Variants in DEPDC5 observed in about 807,000 individuals in gnomAD.
DEPDC5 encodes DEP domain containing 5, GATOR1 subcomplex subunit.
In DEPDC5, 73 loss-of-function variants were observed where a neutral mutation model predicts 217.3. The ratio of observed to expected loss-of-function variants is 0.34; its 90% CI spans 0.28 to 0.41. DEPDC5 has a LOEUF of 0.41. DEPDC5 is among the 10% of genes least tolerant of loss of function. The pLI is 1.00. For synonymous variants in DEPDC5, 733 were observed against 756.7 expected (o/e 0.97, Z 0.51); for missense variants, 1,675 against 2,070.1 (o/e 0.81, Z 3.70).
chr22:31,797,671 A>G lies in DEPDC5; in HGVS notation c.839A>G (p.Gln280Arg). The G allele has an allele frequency of 6.2e-7, 1 of 1,614,116 alleles. No homozygotes were observed. The highest frequency in any genetic ancestry group is 8.5e-7 in the Non-Finnish European group (1 of 1,179,996). ...GTAACCATTAAAAAACTCTTCATCCAGTATCCAGTGTTGGTGCGACTGGAA... is the reference window on the plus strand; with the variant it reads ...GTAACCATTAAAAAACTCTTCATCCGGTATCCAGTGTTGGTGCGACTGGAA... ...LLVTIKKLFI[Q>R]YPVLVRLEQA... is the part of the protein sequence containing the mutation. Residue 280 changes from glutamine to arginine, a missense_variant, in exon 13 of 43, where the codon CAG becomes CGG. Coordinates refer to ENST00000651528, the MANE Select transcript of DEPDC5 (RefSeq NM_001242896.3).
At chr22:31,857,249 A>G (rs2092336976) in intron 31 of DEPDC5, among the ~76,000 whole-genome samples, 196 bp from the exon 32 acceptor site, 1 of 152,160 alleles carries the variant, frequency 6.6e-6, no homozygotes, top group African/African-American at 2.4e-5. Context: ...CTATTTTCTG[A>G]TTTACTGTGG....
chr22:31,809,775 T>C (rs1187703495), intron 19 of DEPDC5, 128 bp downstream of exon 19: 3 of 866,078 alleles, frequency 3.5e-6, no homozygotes, highest in Non-Finnish European at 1.8e-6. Context: ...AGGTCAGGAG[T>C]TCAAGACCAG....
intron 14 of DEPDC5, among the ~76,000 whole-genome samples, chr22:31,800,985 TTC>T (rs1491307687): frequency 1.1e-4 from 16 of 146,636 alleles, no homozygotes; most frequent in Non-Finnish European, 2.4e-4. Context: ...CAAAAAAAAA[TTC>T]TTTTTTTTTT....
chr22:31,867,079 G>A (rs2092709589), intron 33 of DEPDC5, among the ~76,000 whole-genome samples: 1 of 152,134 alleles, frequency 6.6e-6, no homozygotes, highest in Non-Finnish European at 1.5e-5. Context: ...TTTCGGACAA[G>A]GTTCATAAGA....
At chr22:31,803,191 T>A (rs1000832617) in intron 15 of DEPDC5, among the ~76,000 whole-genome samples, 1 of 152,052 alleles carries the variant, frequency 6.6e-6, no homozygotes, top group Non-Finnish European at 1.5e-5. Flanking sequence ...AAGGGACCCA[T>A]GTGCTGTCAG....
intron 16 of DEPDC5, 116 bp from the exon 17 acceptor site, chr22:31,804,726 C>G: frequency 1.0e-6 from 1 of 982,192 alleles, no homozygotes; most frequent in Non-Finnish European, 1.5e-6. Flanking sequence ...AGGCATGACC[C>G]ACAGCGCCCA....
At chr22:31,785,985 A>T (rs1342291083) in intron 10 of DEPDC5, among the ~76,000 whole-genome samples, 2 of 152,112 alleles carry the variant, frequency 1.3e-5, no homozygotes. Flanking sequence ...AGCTAAAGTC[A>T]TCTGGGTGCG....
At chr22:31,828,452 C>CAA (rs35489633) in intron 24 of DEPDC5, among the ~76,000 whole-genome samples, 1,785 of 72,194 alleles carry the variant, frequency 0.025, 24 homozygotes, top group African/African-American at 0.03. Flanking sequence ...AACTCCGTCT[C>CAA]AAAAAAAAAA....
rs2149397688 is a variant in DEPDC5 at position 31,897,604 on chromosome 22, A to T, written c.4326A>T (p.Pro1442=). 5 of 1,613,826 alleles carry T rather than the reference A, an allele frequency of 3.1e-6. No individual in the cohort carries two copies. Among genetic ancestry groups the T allele is most frequent in the Non-Finnish European group, 4.2e-6 (5 of 1,179,958 alleles). The change falls in exon 40 of 43, where the codon CCA becomes CCT. Residue 1442 remains proline, a synonymous_variant. Coordinates refer to ENST00000651528, the MANE Select transcript of DEPDC5 (RefSeq NM_001242896.3). Reference sequence around the variant, plus strand: ...CCCTTCGTGCCCAGCTCTTCATCCCACTCAACATCAGCTGCTTGCTCAAGG... The same window carrying T: ...CCCTTCGTGCCCAGCTCTTCATCCCTCTCAACATCAGCTGCTTGCTCAAGG... The part of the protein sequence containing the change: ...GDPLRAQLFI[P]LNISCLLKEG...
At chr22:31,804,318 C>A in intron 16 of DEPDC5, 95 bp downstream of exon 16, 1 of 1,217,558 alleles carries the variant, frequency 8.2e-7, no homozygotes, top group Non-Finnish European at 1.2e-6. Flanking sequence ...TATAGTCCCA[C>A]TTACTCGAGA....
chr22:31,761,062 AG>A (rs563087500), intron 4 of DEPDC5, among the ~76,000 whole-genome samples: 3 of 151,762 alleles, frequency 2.0e-5, no homozygotes, highest in Non-Finnish European at 2.9e-5. Context: ...GCTCACTGCA[AG>A]CTCCGCCTCC....
intron 24 of DEPDC5, chr22:31,823,195 G>C (rs2089858589): frequency 5.3e-6 from 1 of 187,802 alleles, no homozygotes; most frequent in Non-Finnish European, 1.1e-5. Context: ...CCAGTTTTAA[G>C]ACCAGAAAAG....
At chr22:31,776,057 A>AG (rs1386371304) in intron 7 of DEPDC5, among the ~76,000 whole-genome samples, 1 of 150,930 alleles carries the variant, frequency 6.6e-6, no homozygotes, top group African/African-American at 2.4e-5. Context: ...AAAAAAAAAA[A>AG]AAAGTGAAAG....
intron 33 of DEPDC5, 122 bp from the exon 34 acceptor site, chr22:31,870,468 G>T: frequency 9.2e-7 from 1 of 1,091,682 alleles, no homozygotes. Context: ...GGGAAGGATT[G>T]CATTAATTTT....
At chr22:31,814,128 C>T (rs2088787294) in intron 20 of DEPDC5, 1 of 152,234 alleles carries the variant, frequency 6.6e-6, no homozygotes, top group South Asian at 2.1e-4. Context: ...GAGTGAGACT[C>T]CGTCTCACAA....
chr22:31,870,565 G>A lies in DEPDC5; in HGVS notation c.3331-25G>A, dbSNP rs879089883. 8.1e-6 allele frequency: 12 copies of A among 1,478,626 alleles called. No individual in the cohort carries two copies. In the South Asian group the frequency reaches 1.7e-4, roughly 21 times the overall value. The allele number at this position is 1,478,626 out of a possible 1,614,324, so 91.6% of individuals were successfully genotyped here. On this transcript the variant is annotated intron_variant, in intron 33 of 42. Coordinates refer to ENST00000651528, the MANE Select transcript of DEPDC5 (RefSeq NM_001242896.3). ...TCCTGTCAGTTATTTTTGGAATCAA[G>A]TATTCATTTTTAAATCTCCTGCAGG...
intron 24 of DEPDC5, among the ~76,000 whole-genome samples, chr22:31,825,515 G>T (rs2090072842): frequency 6.6e-6 from 1 of 152,048 alleles, no homozygotes. Flanking sequence ...TGGCCCCCAA[G>T]TACCTCATCC....
intron 20 of DEPDC5, among the ~76,000 whole-genome samples, chr22:31,813,701 G>A (rs184725249): frequency 0.025 from 3,716 of 147,884 alleles, 59 homozygotes; most frequent in African/African-American, 0.043. Flanking sequence ...ATATATATAT[G>A]CATATATAAA....
intron 7 of DEPDC5, among the ~76,000 whole-genome samples, chr22:31,773,322 G>A (rs770405248): frequency 2.6e-5 from 4 of 152,148 alleles, no homozygotes; most frequent in Non-Finnish European, 5.9e-5. Context: ...TGAGTAGCTA[G>A]GACTACAAGT....
Sources: allele counts gnomAD v4.1 joint callset (sites outside exome capture counted in the v4.1 genomes callset), GRCh38; gene constraint gnomAD v4.1.1; transcripts MANE v1.5; gene names NCBI Gene and HGNC (gene_info 2026-07-23, HGNC 2026-07-21).